TDRD12: variants seen among roughly 807,000 people sequenced by gnomAD.
The protein encoded by TDRD12 is tudor domain containing 12.
In TDRD12, 158 loss-of-function variants were observed where a neutral mutation model predicts 133.5. The ratio of observed to expected loss-of-function variants is 1.18; its 90% CI spans 1.04 to 1.35. TDRD12 has a LOEUF of 1.35. TDRD12 is among the 40% of genes most tolerant of loss of function. The probability of loss-of-function intolerance (pLI) is 0.00; values close to 1 mark genes in which losing one functional copy is unlikely to be tolerated. For synonymous variants in TDRD12, 460 were observed against 477.9 expected (o/e 0.96, Z 0.49); for missense variants, 1,443 against 1,321.3 (o/e 1.09, Z -1.43).
intron 24 of TDRD12, 146 bp downstream of exon 24, chr19:32,811,566 C>T (rs765971400): frequency 6.6e-6 from 5 of 754,418 alleles, no homozygotes; most frequent in South Asian, 1.7e-5. Context: ...GGTGTGTGAA[C>T]GTCCCAGCTG....
intron 8 of TDRD12, among the ~76,000 whole-genome samples, chr19:32,758,188 G>A (rs760986159): frequency 1.3e-5 from 2 of 152,212 alleles, no homozygotes; most frequent in South Asian, 2.1e-4. Flanking sequence ...GGGCAGAGAA[G>A]AATTTTATGG....
intron 2 of TDRD12, among the ~76,000 whole-genome samples, chr19:32,735,902 G>A (rs1969208044): frequency 6.6e-6 from 1 of 152,106 alleles, no homozygotes; most frequent in Non-Finnish European, 1.5e-5. Context: ...CCCGGGAGGT[G>A]GAGGCTGCAG....
At chr19:32,810,421 C>T (rs1171773882) in intron 23 of TDRD12, 144 bp downstream of exon 23, 1 of 643,430 alleles carries the variant, frequency 1.6e-6, no homozygotes, top group Non-Finnish European at 2.5e-6. Flanking sequence ...GATGCCTGCT[C>T]CAGTTCTTTG....
chr19:32,819,660 G>T (rs1439207269), intron 27 of TDRD12, among the ~76,000 whole-genome samples: 1 of 152,132 alleles, frequency 6.6e-6, no homozygotes, highest in Non-Finnish European at 1.5e-5. Context: ...GCACTGCGAG[G>T]TTTCACAGAG....
downstream of TDRD12, chr19:32,821,329 T>G: frequency 1.7e-6 from 1 of 596,376 alleles, no homozygotes. Flanking sequence ...CTAACTTCCA[T>G]CCAGTGATGC....
chr19:32,748,574 C>A (rs1969727000), intron 5 of TDRD12, 43 bp downstream of exon 5: 2 of 1,523,456 alleles, frequency 1.3e-6, no homozygotes, highest in South Asian at 2.4e-5. Flanking sequence ...GGAAGTGACA[C>A]CCACAGAGGC....
At chr19:32,720,157 C>T (rs1232650222) in intron 1 of TDRD12, 61 bp downstream of exon 1, 9 of 1,418,420 alleles carry the variant, frequency 6.3e-6, no homozygotes, top group Admixed American at 2.5e-5. Flanking sequence ...CCACCCCAGC[C>T]GCGCACAGCC....
At chr19:32,788,059 G>C (rs1970960668) in intron 11 of TDRD12, among the ~76,000 whole-genome samples, 1 of 151,916 alleles carries the variant, frequency 6.6e-6, no homozygotes, top group South Asian at 2.1e-4. Context: ...GTTCCTATTT[G>C]GCCATCTTGA....
intron 6 of TDRD12, among the ~76,000 whole-genome samples, chr19:32,751,955 C>T (rs935729848): frequency 4.6e-5 from 7 of 152,010 alleles, no homozygotes; most frequent in Non-Finnish European, 8.8e-5. Flanking sequence ...CTCACTGCAA[C>T]CTCTTCTTCC....
intron 11 of TDRD12, among the ~76,000 whole-genome samples, chr19:32,781,241 C>T (rs774979475): frequency 9.9e-5 from 15 of 152,190 alleles, no homozygotes; most frequent in South Asian, 2.1e-4. Flanking sequence ...CGCGCTCGGC[C>T]ATTTTTAATC....
downstream of TDRD12, among the ~76,000 whole-genome samples, chr19:32,825,330 G>A (rs186339027): frequency 3.4e-4 from 52 of 152,252 alleles, no homozygotes; most frequent in East Asian, 4.8e-3. This position sits in a 1 kb window ranked among gnomAD's most constrained non-coding sequence, Gnocchi z 4.1. Flanking sequence ...TTCTTACTCC[G>A]GTGTTTGGAT....
chr19:32,727,352 T>C (rs1968893967), intron 1 of TDRD12, among the ~76,000 whole-genome samples: 1 of 152,238 alleles, frequency 6.6e-6, no homozygotes, highest in Non-Finnish European at 1.5e-5. Flanking sequence ...GTTCTCTGTA[T>C]ATTCTGGGTA....
chr19:32,827,367 C>CTTT (rs1483871649), exon 10 of TDRD12: 1 of 256,284 alleles, frequency 3.9e-6, no homozygotes, highest in Non-Finnish European at 6.0e-6. Context: ...TTTTTCTTTT[C>CTTT]TTTTCTTTTT....
chr19:32,784,647 C>T (rs1481844275), intron 11 of TDRD12, among the ~76,000 whole-genome samples: 1 of 151,068 alleles, frequency 6.6e-6, no homozygotes, highest in Non-Finnish European at 1.5e-5. Flanking sequence ...CAGGCTATTA[C>T]AGCCTCAATT....
At chr19:32,825,863 A>G (rs1967572219), downstream of TDRD12, among the ~76,000 whole-genome samples, 1 of 152,182 alleles carries the variant, frequency 6.6e-6, no homozygotes, top group Non-Finnish European at 1.5e-5. The surrounding 1 kb of genome is among the most constrained non-coding windows in gnomAD (Gnocchi z 4.1). Context: ...CTGGGCAACA[A>G]GAACGAAACT....
chr19:32,726,726 G>A (rs1968875025), intron 1 of TDRD12, among the ~76,000 whole-genome samples: 1 of 151,928 alleles, frequency 6.6e-6, no homozygotes, highest in African/African-American at 2.4e-5. Flanking sequence ...AATATAGCAA[G>A]ACCCTGTCTC....
rs116117367 is a variant in TDRD12, at chr19:32,772,104, C to T, written c.866-649C>T. ...CTGTCCAGGGCCTCAGACAGGGAGACGTGAGGGCTGGCATTAACTAAGTGG... is the reference window on the plus strand; with the variant it reads ...CTGTCCAGGGCCTCAGACAGGGAGATGTGAGGGCTGGCATTAACTAAGTGG... On this transcript the variant is annotated intron_variant, in intron 8 of 27. Transcript: ENST00000444215. Among the ~76,000 whole-genome samples the T allele has an allele frequency of 5.8e-3, 878 of 152,162 alleles. 9 individuals carry two copies. Among genetic ancestry groups the T allele is most frequent in the African/African-American group, 0.02 (827 of 41,494 alleles).
At chr19:32,732,378 T>C (rs1969085440) in intron 2 of TDRD12, among the ~76,000 whole-genome samples, 1 of 152,162 alleles carries the variant, frequency 6.6e-6, no homozygotes, top group Admixed American at 6.5e-5. Flanking sequence ...AAGGTCCATG[T>C]GGGGCAAAAG....
chr19:32,798,378 G>C, exon 16 of TDRD12: 1 of 1,535,986 alleles, frequency 6.5e-7, no homozygotes, highest in Non-Finnish European at 8.7e-7. Context: ...TGTTCCTCAG[G>C]CTCTGCCACC....
Sources: allele counts gnomAD v4.1 joint callset (sites outside exome capture counted in the v4.1 genomes callset), GRCh38; gene constraint gnomAD v4.1.1; non-coding constraint Gnocchi (gnomAD v3.1); transcripts MANE v1.5; gene names NCBI Gene and HGNC (gene_info 2026-07-23, HGNC 2026-07-21).